GRM8: variants seen among roughly 807,000 people sequenced by gnomAD.
GRM8 encodes glutamate metabotropic receptor 8.
GRM8 carries 47 observed loss-of-function variants against 87.2 expected under a neutral mutation model. The ratio of observed to expected loss-of-function variants is 0.54; its 90% CI spans 0.43 to 0.69. The LOEUF is 0.69. Ranked by LOEUF, GRM8 falls within the 30% of genes least tolerant of loss-of-function variation. GRM8 has a pLI of 0.00. For missense variants in GRM8, 1,019 were observed against 1,139.2 expected (o/e 0.89, Z 1.52); for synonymous variants, 396 against 404.5 (o/e 0.98, Z 0.25).
At chr7:127,227,010 C>G (rs1310876015) in intron 2 of GRM8, among the ~76,000 whole-genome samples, 2 of 152,098 alleles carry the variant, frequency 1.3e-5, no homozygotes, top group Non-Finnish European at 2.9e-5. Context: ...CTGTTTTTAT[C>G]TAATAGGAAA....
At chr7:126,560,124 C>T (rs762905286) in intron 8 of GRM8, among the ~76,000 whole-genome samples, 15 of 152,078 alleles carry the variant, frequency 9.9e-5, no homozygotes, top group Non-Finnish European at 1.8e-4. Flanking sequence ...AAGGCATGAC[C>T]GATTTTCTAT....
chr7:126,920,754 T>G (rs1310188432), intron 3 of GRM8, among the ~76,000 whole-genome samples: 1 of 152,116 alleles, frequency 6.6e-6, no homozygotes, highest in Non-Finnish European at 1.5e-5. Flanking sequence ...AAAGTCTGCA[T>G]GCTGAATGGA....
chr7:126,988,066 T>C (rs1812286764), intron 3 of GRM8, among the ~76,000 whole-genome samples: 1 of 135,222 alleles, frequency 7.4e-6, no homozygotes. Flanking sequence ...ACACTAAAGC[T>C]CTTCGTTTAA....
At chr7:126,501,276 A>C (rs1809603023) in intron 9 of GRM8, among the ~76,000 whole-genome samples, 1 of 152,032 alleles carries the variant, frequency 6.6e-6, no homozygotes, top group African/African-American at 2.4e-5. Context: ...TTCATTATGG[A>C]GGCACATTGA....
intron 7 of GRM8, among the ~76,000 whole-genome samples, chr7:126,763,472 T>TATATACAC (rs1479649712): frequency 1.3e-5 from 1 of 78,348 alleles, no homozygotes; most frequent in Non-Finnish European, 2.5e-5. Flanking sequence ...TATATATATA[T>TATATACAC]ACACACACAC....
chr7:126,785,298 G>A (rs1270291353), intron 6 of GRM8, among the ~76,000 whole-genome samples: 1 of 152,106 alleles, frequency 6.6e-6, no homozygotes, highest in African/African-American at 2.4e-5. Flanking sequence ...TTTCGGTCAA[G>A]CTCTTTAGAA....
chr7:126,645,623 G>A (rs1802942785), intron 7 of GRM8, among the ~76,000 whole-genome samples: 1 of 152,188 alleles, frequency 6.6e-6, no homozygotes, highest in Admixed American at 6.5e-5. Context: ...GATTAATTTT[G>A]TCTATGCAGT....
chr7:126,439,916 G>C (rs1021221907), intron 10 of GRM8, among the ~76,000 whole-genome samples: 1 of 150,834 alleles, frequency 6.6e-6, no homozygotes, highest in Non-Finnish European at 1.5e-5. Context: ...ATAGAAAAAA[G>C]TCTATCCTTG....
intron 7 of GRM8, among the ~76,000 whole-genome samples, chr7:126,715,549 T>C (rs577304690): frequency 6.6e-6 from 1 of 152,310 alleles, no homozygotes; most frequent in Non-Finnish European, 1.5e-5. Flanking sequence ...ACATTTGTGG[T>C]ATACCTACCT....
intron 3 of GRM8, among the ~76,000 whole-genome samples, chr7:127,028,784 C>T (rs1359464925): frequency 6.6e-6 from 1 of 152,058 alleles, no homozygotes. Flanking sequence ...AAACCCACCT[C>T]CTGGATTCAT....
chr7:127,021,044 T>G (rs1816213236), intron 3 of GRM8, among the ~76,000 whole-genome samples: 1 of 152,066 alleles, frequency 6.6e-6, no homozygotes, highest in Non-Finnish European at 1.5e-5. Flanking sequence ...AACTTTAGTT[T>G]TAAATGCTTA....
chr7:127,251,143 C>T (rs1008478747), intron 1 of GRM8: 2 of 152,290 alleles, frequency 1.3e-5, no homozygotes, highest in African/African-American at 4.8e-5. Flanking sequence ...TTTCTGCAAC[C>T]GGCGAGGGGG....
intron 6 of GRM8, among the ~76,000 whole-genome samples, chr7:126,819,055 C>T (rs1335733146): frequency 1.3e-5 from 2 of 152,090 alleles, no homozygotes; most frequent in Admixed American, 6.6e-5. Flanking sequence ...GCAACTAGGG[C>T]GGCCATCTGA....
At chr7:127,194,513 A>G (rs775368497) in intron 2 of GRM8, among the ~76,000 whole-genome samples, 5 of 152,218 alleles carry the variant, frequency 3.3e-5, no homozygotes, top group Non-Finnish European at 2.9e-5. Context: ...CTCCTTCTGC[A>G]TAATAATGAA....
At chr7:126,994,585 T>A (rs1394345028) in intron 3 of GRM8, among the ~76,000 whole-genome samples, 2 of 152,106 alleles carry the variant, frequency 1.3e-5, no homozygotes, top group Non-Finnish European at 2.9e-5. Context: ...CTTAAGTGAA[T>A]CTTAGTGGTG....
intron 9 of GRM8, among the ~76,000 whole-genome samples, chr7:126,482,908 T>G (rs1806868623): frequency 6.6e-6 from 1 of 151,804 alleles, no homozygotes; most frequent in East Asian, 1.9e-4. Context: ...AGGAGTTTAA[T>G]CTGGTAAATT....
At chr7:126,639,078 A>T (rs927097173) in intron 7 of GRM8, among the ~76,000 whole-genome samples, 1 of 151,908 alleles carries the variant, frequency 6.6e-6, no homozygotes, top group African/African-American at 2.4e-5. Flanking sequence ...ACTTCAAACA[A>T]CCTAAAATGC....
At chr7:126,927,466 C>A (rs1242270437) in intron 3 of GRM8, among the ~76,000 whole-genome samples, 1 of 152,052 alleles carries the variant, frequency 6.6e-6, no homozygotes, top group Non-Finnish European at 1.5e-5. Context: ...AATCAAAGGG[C>A]TCTTTTAAGT....
chr7:127,041,757 C>G (rs1234244697), intron 3 of GRM8, among the ~76,000 whole-genome samples: 1 of 152,126 alleles, frequency 6.6e-6, no homozygotes, highest in Non-Finnish European at 1.5e-5. Flanking sequence ...AACCTCCTAC[C>G]CAGGTTTCCA....
Sources: allele counts gnomAD v4.1 joint callset (sites outside exome capture counted in the v4.1 genomes callset), GRCh38; gene constraint gnomAD v4.1.1; transcripts MANE v1.5; gene names NCBI Gene and HGNC (gene_info 2026-07-23, HGNC 2026-07-21).